The following CACHD1 variants were observed in gnomAD, a reference collection of about 807,000 sequenced individuals.
CACHD1 encodes VWFA and cache domain-containing protein 1.
CACHD1 carries 71 observed loss-of-function variants against 138.7 expected under a neutral mutation model. That is an observed-to-expected ratio of 0.51 (90% CI 0.42 to 0.62). The LOEUF (loss-of-function observed/expected upper bound fraction) is 0.62. Among genes scored for constraint, CACHD1 ranks in the 20% least tolerant of loss-of-function variants. CACHD1 has a pLI of 0.00. For missense variants in CACHD1, 1,389 were observed against 1,625.3 expected, an observed-to-expected ratio of 0.85 and a Z score of 2.50; for synonymous variants, 578 against 591.5, an observed-to-expected ratio of 0.98 and a Z score of 0.33.
intron 1 of CACHD1, among the ~76,000 whole-genome samples, chr1:64,516,556 T>C (rs969200368): frequency 5.9e-5 from 9 of 152,188 alleles, no homozygotes; most frequent in Non-Finnish European, 1.5e-5. Context: ...AATGACCAAA[T>C]GATGAGCCAG....
In CACHD1 at chr1:64,516,595, T is replaced by C. The variant is rs965950530; in HGVS notation, c.199-33999T>C. 2.0e-5 allele frequency among the ~76,000 whole-genome samples: 3 copies of C among 152,228 alleles called. No individual in the cohort carries two copies. The South Asian group carries it at 6.2e-4, about 31-fold the overall frequency. The stretch of plus-strand genomic sequence containing the variant: ...CGATTATGCATTTTCATGAATATTA[T>C]CTCATTTAATCCTTAAAACAGTCTT... On this transcript the variant is annotated intron_variant, in intron 1 of 26. Coordinates refer to ENST00000651257, the MANE Select transcript of CACHD1 (RefSeq NM_020925.4).
chr1:64,553,909 AG>A (rs1194900508), intron 2 of CACHD1, among the ~76,000 whole-genome samples: 2 of 152,228 alleles, frequency 1.3e-5, no homozygotes, highest in Non-Finnish European at 2.9e-5. Flanking sequence ...CATATTCATT[AG>A]AAGCACCCAT....
intron 2 of CACHD1, among the ~76,000 whole-genome samples, chr1:64,564,148 A>G (rs891013052): frequency 6.6e-5 from 10 of 152,038 alleles, no homozygotes; most frequent in African/African-American, 2.2e-4. Flanking sequence ...CTAAAGACGG[A>G]TCCTCCGAAA....
chr1:64,523,445 C>T (rs1009398642), intron 1 of CACHD1, among the ~76,000 whole-genome samples: 12 of 152,160 alleles, frequency 7.9e-5, no homozygotes, highest in Admixed American at 1.3e-4. Flanking sequence ...CTTTGCTTTA[C>T]ATAAAAGTGA....
chr1:64,537,619 C>T (rs1646643651), intron 1 of CACHD1, among the ~76,000 whole-genome samples: 1 of 152,158 alleles, frequency 6.6e-6, no homozygotes, highest in African/African-American at 2.4e-5. Flanking sequence ...CTTGTCACTT[C>T]CGAAGGCTTC....
At chr1:64,677,201 C>T (rs74548057) in intron 22 of CACHD1, among the ~76,000 whole-genome samples, 190 bp downstream of exon 22, 13 of 152,212 alleles carry the variant, frequency 8.5e-5, no homozygotes, top group African/African-American at 2.6e-4. Flanking sequence ...ATGTTAGTAG[C>T]CTCATCTGTG....
At chr1:64,555,346 C>T (rs966834740) in intron 2 of CACHD1, among the ~76,000 whole-genome samples, 1 of 152,036 alleles carries the variant, frequency 6.6e-6, no homozygotes, top group South Asian at 2.1e-4. Context: ...TTTAAAAAAT[C>T]GATCTTTAGA....
intron 21 of CACHD1, among the ~76,000 whole-genome samples, chr1:64,676,271 C>T (rs1649988702): frequency 2.0e-5 from 3 of 152,046 alleles, no homozygotes; most frequent in South Asian, 2.1e-4. Flanking sequence ...AAGTGTCTAC[C>T]ATGTGTTGAG....
intron 1 of CACHD1, among the ~76,000 whole-genome samples, chr1:64,485,507 C>A (rs1646236820): frequency 6.6e-6 from 1 of 152,140 alleles, no homozygotes; most frequent in Non-Finnish European, 1.5e-5. Context: ...TGCTGAGTAC[C>A]ATTCTGTTGT....
chr1:64,604,671 G>A (rs1020764416), intron 4 of CACHD1, among the ~76,000 whole-genome samples: 14 of 151,866 alleles, frequency 9.2e-5, no homozygotes, highest in African/African-American at 2.9e-4. Context: ...TTTTTTCTTT[G>A]AGATAGAGTC....
intron 1 of CACHD1, among the ~76,000 whole-genome samples, chr1:64,536,501 G>A (rs904817532): frequency 5.9e-5 from 9 of 152,128 alleles, no homozygotes; most frequent in Non-Finnish European, 1.0e-4. Context: ...AATAAATATC[G>A]TTTAGTTTCT....
chr1:64,618,946 G>A (rs145914175), intron 4 of CACHD1, among the ~76,000 whole-genome samples: 1 of 152,242 alleles, frequency 6.6e-6, no homozygotes, highest in African/African-American at 2.4e-5. Context: ...GAGGCAATAA[G>A]CTTTCCATTA....
intron 1 of CACHD1, among the ~76,000 whole-genome samples, chr1:64,479,825 T>C (rs1175721826): frequency 1.3e-5 from 2 of 152,148 alleles, no homozygotes; most frequent in Non-Finnish European, 2.9e-5. Flanking sequence ...AGCTTATCAG[T>C]GTTTGAGTTG....
chr1:64,675,876 A>G (rs374916275), intron 20 of CACHD1, 21 bp from the exon 21 acceptor site: 28 of 1,491,998 alleles, frequency 1.9e-5, no homozygotes, highest in Non-Finnish European at 2.4e-5. Context: ...TCTGCATAGT[A>G]ACTTTCTTTT....
intron 10 of CACHD1, among the ~76,000 whole-genome samples, chr1:64,652,520 G>A (rs891960902): frequency 6.6e-5 from 10 of 152,120 alleles, no homozygotes; most frequent in Admixed American, 1.3e-4. Context: ...GGTAGGGAAC[G>A]GTTATTTGTA....
chr1:64,637,218 G>A (rs17126811), intron 7 of CACHD1, among the ~76,000 whole-genome samples: 17,083 of 152,220 alleles, frequency 0.11, 1,164 homozygotes, highest in East Asian at 0.32. Context: ...GGAGAGAAAT[G>A]TTAGACTAGC....
rs549176527 is a variant in CACHD1, at chr1:64,630,855, G to A, written c.644+1374G>A. 4.6e-5 allele frequency among the ~76,000 whole-genome samples: 7 copies of A among 151,372 alleles called. No homozygotes were observed. The South Asian group carries it at 8.4e-4, about 18-fold the overall frequency. ...AGCATTCACCTACACAAGGCAATTC[G>A]GAAAGTTTTCATGTATCTCCACCCT... is the stretch of plus-strand genomic sequence containing the variant. On this transcript the variant is annotated intron_variant, in intron 5 of 26. Transcript: ENST00000651257.
intron 3 of CACHD1, among the ~76,000 whole-genome samples, chr1:64,591,167 T>C (rs1335817767): frequency 6.6e-6 from 1 of 152,226 alleles, no homozygotes; most frequent in Admixed American, 6.5e-5. Flanking sequence ...AAAGATGATA[T>C]GCAGCAAGAC....
At position 64,675,555 on chromosome 1, in the gene CACHD1, G is replaced by C. The variant is rs1473552191; in HGVS notation, c.2882G>C (p.Cys961Ser). ...CSMVDRLCLNCHRMEQNECEC... is the reference protein window; with the variant it reads ...CSMVDRLCLNSHRMEQNECEC... ...ATGGTGGACCGACTCTGTCTCAACT[G>C]TCACCGGTAAAAATGCAATGGGTCA... The change falls in exon 20 of 27, where the codon TGT becomes TCT. Residue 961 changes from cysteine (C) to serine (S), a missense_variant. Cys to Ser is a moderately radical substitution (Grantham distance 112). This residue lies in a region of CACHD1 where 50 missense variants were observed against 108.2 expected (regional missense o/e 0.46). Coordinates refer to ENST00000651257, the MANE Select transcript of CACHD1 (RefSeq NM_020925.4). 1.9e-6 allele frequency: 3 copies of C among 1,606,236 alleles called. No homozygotes were observed. Among genetic ancestry groups the C allele is most frequent in the Non-Finnish European group, 2.6e-6 (3 of 1,173,490 alleles).
Sources: allele counts gnomAD v4.1 joint callset (sites outside exome capture counted in the v4.1 genomes callset), GRCh38; gene constraint gnomAD v4.1.1; regional missense constraint gnomAD v4.1.1; transcripts MANE v1.5; gene names NCBI Gene and HGNC (gene_info 2026-07-23, HGNC 2026-07-21).